The following FBXO34 variants were observed in gnomAD, a reference collection of about 807,000 sequenced individuals.
The protein encoded by FBXO34 is F-box only protein 34.
Under a neutral mutation model 24.5 loss-of-function variants are expected in FBXO34, and 12 were observed. The ratio of observed to expected loss-of-function variants is 0.49; its 90% confidence interval spans 0.31 to 0.79. FBXO34 has a LOEUF of 0.79. Ranked by LOEUF, FBXO34 falls within the 30% of genes least tolerant of loss-of-function variation. FBXO34 has a pLI of 0.04. For synonymous variants in FBXO34, 320 were observed against 311.9 expected, an observed-to-expected ratio of 1.03 and a Z score of -0.27; for missense variants, 823 against 857.7, an observed-to-expected ratio of 0.96 and a Z score of 0.51.
chr14:55,408,917 G>A, the FBXO34 span, among the ~76,000 whole-genome samples: 3 of 152,170 alleles, frequency 2.0e-5, no homozygotes, highest in East Asian at 5.8e-4. Context: ...ATGAGGCTTC[G>A]TATGCCATAG....
the FBXO34 span, among the ~76,000 whole-genome samples, chr14:55,396,619 CA>C: frequency 1.3e-5 from 2 of 152,102 alleles, no homozygotes; most frequent in African/African-American, 4.8e-5. Context: ...GGAGATGCCA[CA>C]AAAGAGACAA....
At chr14:55,433,359 C>T in the FBXO34 span, among the ~76,000 whole-genome samples, 47 of 145,202 alleles carry the variant, frequency 3.2e-4, no homozygotes, top group Middle Eastern at 3.8e-3. Flanking sequence ...CACTGTGTTG[C>T]CCAGGCTGGT....
chr14:55,440,376 G>A, the FBXO34 span: 17 of 1,612,862 alleles, frequency 1.1e-5, no homozygotes, highest in Non-Finnish European at 1.4e-5. Context: ...CTGACTCTGG[G>A]ACAGTGGCGG....
chr14:55,278,260 A>C (rs559181784), intron 1 of FBXO34, among the ~76,000 whole-genome samples: 1 of 152,180 alleles, frequency 6.6e-6, no homozygotes, highest in East Asian at 1.9e-4. Context: ...GAGGAACTGA[A>C]CTCATTTTCC....
the FBXO34 span, among the ~76,000 whole-genome samples, chr14:55,378,323 A>G: frequency 4.6e-5 from 7 of 152,334 alleles, no homozygotes; most frequent in Admixed American, 3.3e-4. Flanking sequence ...TTCTACACAA[A>G]TATCTGCACA....
the FBXO34 span, chr14:55,440,527 G>C: frequency 6.2e-7 from 1 of 1,608,090 alleles, no homozygotes. Context: ...ACCCGCTCCG[G>C]CCAGGGCGCA....
chr14:55,402,251 T>TTCCCTCATCCTAGGGC, the FBXO34 span, among the ~76,000 whole-genome samples: 13 of 152,192 alleles, frequency 8.5e-5, no homozygotes, highest in African/African-American at 2.9e-4. Flanking sequence ...GTCTAGTCCT[T>TTCCCTCATCCTAGGGC]TCCCTCATCC....
chr14:55,399,788 G>A, the FBXO34 span, among the ~76,000 whole-genome samples: 327 of 152,316 alleles, frequency 2.1e-3, 2 homozygotes, highest in African/African-American at 7.5e-3. Flanking sequence ...CTTGACTTCA[G>A]AGGCCATAAA....
At chr14:55,365,343 G>A (rs907735708), downstream of FBXO34, among the ~76,000 whole-genome samples, 2 of 151,850 alleles carry the variant, frequency 1.3e-5, no homozygotes, top group Admixed American at 6.6e-5. Flanking sequence ...GGGATTTCAG[G>A]CATGAACCAC....
the FBXO34 span, chr14:55,391,044 A>G: frequency 1.6e-6 from 2 of 1,221,360 alleles, no homozygotes; most frequent in Non-Finnish European, 2.3e-6. Flanking sequence ...TATGGTTAAT[A>G]TGATTATCTA....
chr14:55,421,747 G>A, the FBXO34 span, among the ~76,000 whole-genome samples: 1 of 152,166 alleles, frequency 6.6e-6, no homozygotes, highest in African/African-American at 2.4e-5. Flanking sequence ...ACAGGCGTGA[G>A]CCACCATACC....
intron 1 of FBXO34, among the ~76,000 whole-genome samples, chr14:55,346,013 C>A (rs186744363): frequency 1.3e-5 from 2 of 151,778 alleles, no homozygotes; most frequent in Non-Finnish European, 2.9e-5. Context: ...TCAGAAAGAA[C>A]GAAATTAAAT....
intron 1 of FBXO34, among the ~76,000 whole-genome samples, chr14:55,304,599 C>G (rs781769506): frequency 2.6e-5 from 4 of 152,142 alleles, no homozygotes; most frequent in Non-Finnish European, 4.4e-5. Context: ...CTCCTGGGCT[C>G]AGGTGATCCT....
At chr14:55,361,003 G>GAA (rs111865007) in intron 3 of FBXO34, among the ~76,000 whole-genome samples, 2 of 136,044 alleles carry the variant, frequency 1.5e-5, no homozygotes. Flanking sequence ...GTCTCAAAAA[G>GAA]AAAAAAAAAA....
At chr14:55,393,588 C>G in the FBXO34 span, among the ~76,000 whole-genome samples, 1 of 151,010 alleles carries the variant, frequency 6.6e-6, no homozygotes, top group Non-Finnish European at 1.5e-5. Context: ...CTCTGTTGCC[C>G]AGGTTAGAGT....
Position 55,352,430 on chromosome 14 carries a change from G to A in FBXO34, c.2040G>A (p.Leu680=), listed in dbSNP as rs1329146926. Reference sequence around the variant, plus strand: ...AGAAAGGATTCCCTGGCTGTAAGCTGGGGCTTCATGACAATCACTGGGTTC... The same window carrying A: ...AGAAAGGATTCCCTGGCTGTAAGCTAGGGCTTCATGACAATCACTGGGTTC... ...RSQKGFPGCK[L]GLHDNHWVPA... Residue 680 remains leucine, a synonymous_variant, in exon 2 of 2, where the codon CTG becomes CTA. Transcript: ENST00000313833. 1 of 1,614,216 alleles carries A rather than the reference G, an allele frequency of 6.2e-7. No homozygotes were observed. The highest frequency in any genetic ancestry group is 1.1e-5 in the South Asian group (1 of 91,090).
downstream of FBXO34, among the ~76,000 whole-genome samples, chr14:55,356,948 A>G (rs1475336273): frequency 2.6e-5 from 4 of 152,108 alleles, no homozygotes; most frequent in African/African-American, 9.7e-5. Flanking sequence ...CAGTTTTGCC[A>G]CGTTGCCCAG....
At chr14:55,282,430 GT>G (rs1287342696) in intron 1 of FBXO34, 7 of 268,812 alleles carry the variant, frequency 2.6e-5, no homozygotes, top group East Asian at 9.1e-5. Flanking sequence ...CTGCTGACAT[GT>G]TTTTTTCATT....
At chr14:55,400,162 C>T in the FBXO34 span, among the ~76,000 whole-genome samples, 4 of 152,190 alleles carry the variant, frequency 2.6e-5, no homozygotes, top group Admixed American at 6.5e-5. Flanking sequence ...CTCACTCAGT[C>T]ACTCATCCAG....
Sources: gnomAD v4.1 joint callset for allele counts (sites outside exome capture counted in the v4.1 genomes callset) on GRCh38, gnomAD v4.1.1 for gene constraint, MANE v1.5 for transcripts, NCBI Gene and HGNC (gene_info 2026-07-23, HGNC 2026-07-21) for gene names.